EBF1: variants seen among roughly 807,000 people sequenced by gnomAD.
EBF1 encodes EBF transcription factor 1, also known as transcription factor COE1.
In EBF1, 10 loss-of-function variants were observed where a neutral mutation model predicts 68.4. That is an observed-to-expected ratio of 0.15 (90% confidence interval 0.09 to 0.25). The LOEUF is 0.25. Ranked by LOEUF, EBF1 falls within the 10% of genes least tolerant of loss-of-function variation. The probability of loss-of-function intolerance (pLI) is 1.00; values close to 1 mark genes in which losing one functional copy is unlikely to be tolerated. For missense variants in EBF1, 509 were observed against 794.4 expected (o/e 0.64, Z 4.32); for synonymous variants, 298 against 299.8 (o/e 0.99, Z 0.06).
At chr5:158,843,937 G>C (rs921361704) in intron 6 of EBF1, among the ~76,000 whole-genome samples, 1 of 152,164 alleles carries the variant, frequency 6.6e-6, no homozygotes, top group Admixed American at 6.5e-5. Context: ...CTCAGATTCC[G>C]AGGGGGCTTT....
At chr5:159,016,310 A>G (rs1249268155) in intron 6 of EBF1, among the ~76,000 whole-genome samples, 2 of 152,194 alleles carry the variant, frequency 1.3e-5, no homozygotes, top group African/African-American at 4.8e-5. Context: ...GAACTTGGCC[A>G]GTGGCTTCCC....
chr5:159,071,079 A>G (rs1777708460), intron 6 of EBF1, among the ~76,000 whole-genome samples: 1 of 152,232 alleles, frequency 6.6e-6, no homozygotes, highest in Non-Finnish European at 1.5e-5. Context: ...GGAGTTTCAC[A>G]TATCAGCACA....
intron 5 of EBF1, among the ~76,000 whole-genome samples, chr5:159,082,558 G>C (rs1309701937): frequency 6.6e-6 from 1 of 152,142 alleles, no homozygotes; most frequent in East Asian, 1.9e-4. Flanking sequence ...ACTTAAAACA[G>C]GCAAGAAATC....
At chr5:158,912,441 G>C (rs1806198289) in intron 6 of EBF1, among the ~76,000 whole-genome samples, 1 of 152,150 alleles carries the variant, frequency 6.6e-6, no homozygotes, top group Admixed American at 6.5e-5. Flanking sequence ...ATCTTGGAGA[G>C]CACTTAACAT....
intron 6 of EBF1, among the ~76,000 whole-genome samples, chr5:158,938,782 A>C (rs922803697): frequency 3.0e-4 from 45 of 152,204 alleles, no homozygotes; most frequent in Non-Finnish European, 1.5e-5. Flanking sequence ...ATTACCTCCC[A>C]AAAACCTCAC....
chr5:158,895,286 A>G (rs569539617), intron 6 of EBF1, among the ~76,000 whole-genome samples: 1 of 152,310 alleles, frequency 6.6e-6, no homozygotes, highest in African/African-American at 2.4e-5. Flanking sequence ...ACATTTAGCC[A>G]GGTTCAACAG....
chr5:158,813,411 G>A (rs904440714), intron 8 of EBF1, among the ~76,000 whole-genome samples: 4 of 152,268 alleles, frequency 2.6e-5, no homozygotes, highest in Non-Finnish European at 5.9e-5. Flanking sequence ...GAAATCCAGG[G>A]AGAAGAATGC....
At chr5:158,814,762 T>C (rs542265962) in intron 8 of EBF1, among the ~76,000 whole-genome samples, 1 of 152,302 alleles carries the variant, frequency 6.6e-6, no homozygotes, top group South Asian at 2.1e-4. Context: ...AGGACATTCT[T>C]GCAAATAAAT....
At chr5:159,003,535 G>A (rs1305663762) in intron 6 of EBF1, among the ~76,000 whole-genome samples, 1 of 152,120 alleles carries the variant, frequency 6.6e-6, no homozygotes, top group Non-Finnish European at 1.5e-5. Flanking sequence ...GATTATTGAG[G>A]ACTAACCAGA....
At chr5:158,794,416 T>A (rs1779254235) in intron 9 of EBF1, among the ~76,000 whole-genome samples, 1 of 152,092 alleles carries the variant, frequency 6.6e-6, no homozygotes, top group Non-Finnish European at 1.5e-5. Context: ...CCAAAACAGG[T>A]CAAGAAAGTA....
intron 4 of EBF1, among the ~76,000 whole-genome samples, chr5:159,086,355 A>G (rs967121736): frequency 1.4e-4 from 22 of 152,176 alleles, no homozygotes; most frequent in Non-Finnish European, 2.8e-4. Flanking sequence ...CATTGATACA[A>G]TAATTTAATC....
At chr5:158,741,133 G>A (rs889756740) in intron 10 of EBF1, among the ~76,000 whole-genome samples, 3 of 151,996 alleles carry the variant, frequency 2.0e-5, no homozygotes, top group Non-Finnish European at 4.4e-5. Flanking sequence ...GTTCCTGGTG[G>A]GCACCACACA....
intron 9 of EBF1, among the ~76,000 whole-genome samples, chr5:158,778,576 C>A (rs1488999470): frequency 1.3e-5 from 2 of 152,124 alleles, no homozygotes; most frequent in African/African-American, 4.8e-5. Flanking sequence ...TATCAATGTG[C>A]AAACCAGGCC....
chr5:158,893,585 T>A (rs1002228419), intron 6 of EBF1, among the ~76,000 whole-genome samples: 4 of 152,178 alleles, frequency 2.6e-5, no homozygotes, highest in African/African-American at 9.7e-5. Context: ...GTCTTTAGAT[T>A]TATTACATGA....
At chr5:159,094,804 C>A (rs1024500862) in intron 4 of EBF1, among the ~76,000 whole-genome samples, 2 of 152,164 alleles carry the variant, frequency 1.3e-5, no homozygotes, top group African/African-American at 4.8e-5. Context: ...ACCTAACCAG[C>A]TACTTAATTC....
intron 8 of EBF1, among the ~76,000 whole-genome samples, chr5:158,817,569 CAT>C (rs1491580806): frequency 6.6e-6 from 1 of 152,100 alleles, no homozygotes; most frequent in African/African-American, 2.4e-5. Flanking sequence ...AACCGTAAGA[CAT>C]AAACTCCTTT....
chr5:158,816,574 G>T (rs1783784532), intron 8 of EBF1, among the ~76,000 whole-genome samples: 1 of 152,188 alleles, frequency 6.6e-6, no homozygotes, highest in African/African-American at 2.4e-5. Flanking sequence ...AGGGGAGAGA[G>T]AAATTTGGGA....
intron 6 of EBF1, among the ~76,000 whole-genome samples, chr5:159,058,297 C>CCTGTATTTCAT (rs1775154605): frequency 6.6e-6 from 1 of 152,138 alleles, no homozygotes; most frequent in African/African-American, 2.4e-5. Flanking sequence ...GAATAAAGAT[C>CCTGTATTTCAT]CTGTATTTCA....
rs1365156641 is a variant in EBF1, at chr5:158,697,234, A to G, written c.*1877T>C. The G allele has an allele frequency of 1.0e-5, 2 of 192,776 alleles. No individual in the cohort carries two copies. Among genetic ancestry groups the G allele is most frequent in the Admixed American group, 1.2e-4 (2 of 16,294 alleles). The allele number at this position is 192,776 out of a possible 1,614,324, so 11.9% of individuals were successfully genotyped here. Reference sequence around the variant, plus strand: ...AAGCAAAGGATACATTTTTTTTTAAATCTACTGAACTAAATACTACAAGAA... The same window carrying G: ...AAGCAAAGGATACATTTTTTTTTAAGTCTACTGAACTAAATACTACAAGAA... On this transcript the variant is annotated 3_prime_UTR_variant, in exon 16 of 16. Transcript: ENST00000313708.
Sources: gnomAD v4.1 joint callset for allele counts (sites outside exome capture counted in the v4.1 genomes callset) on GRCh38, gnomAD v4.1.1 for gene constraint, MANE v1.5 for transcripts, NCBI Gene and HGNC (gene_info 2026-07-23, HGNC 2026-07-21) for gene names.